Variants in MYO7A observed in about 807,000 individuals in gnomAD.
MYO7A encodes myosin VIIA.
Under a neutral mutation model 263.8 loss-of-function variants are expected in MYO7A, and 210 were observed. The observed-to-expected ratio is 0.80, with a 90% CI of 0.71 to 0.89. MYO7A has a LOEUF of 0.89. Ranked by LOEUF, MYO7A falls within the 40% of genes least tolerant of loss-of-function variation. The pLI is 0.00. For synonymous variants in MYO7A, 1,239 were observed against 1,197.3 expected, an observed-to-expected ratio of 1.03 and a Z score of -0.72; for missense variants, 2,820 against 2,968.3, an observed-to-expected ratio of 0.95 and a Z score of 1.16.
chr11:77,140,478 A>T (rs1555049961), intron 2 of MYO7A, among the ~76,000 whole-genome samples: 1 of 152,226 alleles, frequency 6.6e-6, no homozygotes, highest in African/African-American at 2.4e-5. Flanking sequence ...GAGGAGAGAA[A>T]TTGGAGACAG....
At chr11:77,163,063 A>C in intron 14 of MYO7A, 75 bp downstream of exon 14, 2 of 1,519,336 alleles carry the variant, frequency 1.3e-6, no homozygotes, top group Non-Finnish European at 1.8e-6. Context: ...CAGGAATAAG[A>C]TATCCGGAAT....
At chr11:77,177,895 A>G (rs1389217875) in intron 19 of MYO7A, among the ~76,000 whole-genome samples, 2 of 152,144 alleles carry the variant, frequency 1.3e-5, no homozygotes, top group Admixed American at 1.3e-4. Flanking sequence ...GCACATGCAC[A>G]CGTAGATACA....
At chr11:77,166,034 G>T in intron 14 of MYO7A, 22 bp from the exon 15 acceptor site, 1 of 1,588,338 alleles carries the variant, frequency 6.3e-7, no homozygotes, top group South Asian at 1.1e-5. Context: ...GGTGAGAGGT[G>T]ACTGCTGTTT....
rs1203892207 is a variant in MYO7A, at chr11:77,197,461, C to G, written c.4324-20C>G. ...CACTCGTATGTTGTCTTCTGTCCCT[C>G]TGTCCCTCTCTCCTTCCAGGGGATT... On this transcript the variant is annotated intron_variant, in intron 32 of 48. Transcript: ENST00000409709. 1 of 1,536,370 alleles carries G rather than the reference C, an allele frequency of 6.5e-7. No homozygotes were observed. The highest frequency in any genetic ancestry group is 1.2e-5 in the South Asian group (1 of 84,168).
chr11:77,160,288 C>G lies in MYO7A; in HGVS notation c.1200+6C>G, dbSNP rs1405315472. The G allele has an allele frequency of 1.3e-6, 2 of 1,555,470 alleles. No homozygotes were observed. Among genetic ancestry groups the G allele is most frequent in the African/African-American group, 2.7e-5 (2 of 73,388 alleles). On this transcript the variant is annotated splice_donor_region_variant and intron_variant, in intron 11 of 48. Coordinates refer to ENST00000409709, the MANE Select transcript of MYO7A (RefSeq NM_000260.4). ...TGCGCGACGCCTTCGTAAAGGTGGG[C>G]TGGAGGGAAGGGGCCGCTTGCTCGC...
chr11:77,207,298 G>A lies in MYO7A; in HGVS notation c.5752G>A (p.Val1918Met), dbSNP rs958153438. The change falls in exon 42 of 49, where the codon GTG becomes ATG. Residue 1918 changes from valine (V) to methionine (M), a missense_variant. By Grantham distance (21) the Val-to-Met change is conservative. Coordinates refer to ENST00000409709, the MANE Select transcript of MYO7A (RefSeq NM_000260.4). ...TCACTGCCCCTCCCAGGCCTTCGAA[G>A]TGGAGTCCAGCACCAAGGCCAAGGA... Reference protein sequence around the residue: ...FPDDTDEAFEVESSTKAKDFC... With the variant: ...FPDDTDEAFEMESSTKAKDFC... 1.9e-5 allele frequency: 31 copies of A among 1,610,498 alleles called. No individual in the cohort carries two copies. The highest frequency in any genetic ancestry group is 2.7e-5 in the African/African-American group (2 of 74,854).
At chr11:77,180,761 C>T (rs1336925048) in intron 22 of MYO7A, among the ~76,000 whole-genome samples, 1 of 152,194 alleles carries the variant, frequency 6.6e-6, no homozygotes, top group Non-Finnish European at 1.5e-5. Context: ...AAGCACAAGC[C>T]AGCTGACGGC....
intron 13 of MYO7A, 87 bp downstream of exon 13, chr11:77,162,417 A>G: frequency 2.4e-6 from 3 of 1,271,538 alleles, no homozygotes; most frequent in South Asian, 2.6e-5. Flanking sequence ...CTCATCTGCA[A>G]AATAGGACTA....
chr11:77,177,297 C>A (rs567847677), intron 18 of MYO7A, among the ~76,000 whole-genome samples: 1 of 152,288 alleles, frequency 6.6e-6, no homozygotes, highest in East Asian at 1.9e-4. Context: ...GGCCTTCCGA[C>A]CCCATCCAGA....
intron 32 of MYO7A, among the ~76,000 whole-genome samples, chr11:77,196,231 G>A (rs550407879): frequency 2.3e-4 from 35 of 152,208 alleles, no homozygotes; most frequent in African/African-American, 8.2e-4. Flanking sequence ...ACCAGGCGTG[G>A]TGGTGGGTGC....
At chr11:77,152,360 A>G (rs1591247680) in intron 4 of MYO7A, among the ~76,000 whole-genome samples, 1 of 151,950 alleles carries the variant, frequency 6.6e-6, no homozygotes, top group Non-Finnish European at 1.5e-5. Context: ...TCCCCTCGCT[A>G]CCTTCCCTGC....
At chr11:77,160,053 G>A (rs994797022) in intron 10 of MYO7A, 110 bp from the exon 11 acceptor site, 13 of 1,451,988 alleles carry the variant, frequency 9.0e-6, no homozygotes, top group Middle Eastern at 2.4e-4. Flanking sequence ...GGCGTGCTTA[G>A]TGGAGGCAGT....
At chr11:77,186,162 C>T (rs1213751179) in intron 27 of MYO7A, among the ~76,000 whole-genome samples, 3 of 152,122 alleles carry the variant, frequency 2.0e-5, no homozygotes, top group African/African-American at 4.8e-5. Context: ...CCCTGTGATC[C>T]ACCCACCTCA....
chr11:77,179,269 C>A, intron 20 of MYO7A, 140 bp downstream of exon 20: 2 of 695,698 alleles, frequency 2.9e-6, no homozygotes, highest in South Asian at 1.9e-5. Flanking sequence ...CAGCCACTAC[C>A]ATTCCTCCAG....
rs1952937916 is a variant in MYO7A, at chr11:77,160,964, GC to G, written c.1201-7del. ...TGGCTGGTGCCAGTGGCTGATCACT[GC>G]CTTTCAGGGGATCTACGGGCGGCTG... On this transcript the variant is annotated splice_region_variant and splice_polypyrimidine_tract_variant and intron_variant, in intron 11 of 48. Coordinates refer to ENST00000409709, the MANE Select transcript of MYO7A (RefSeq NM_000260.4). 6.3e-7 allele frequency: 1 copy of G among 1,591,846 alleles called. No homozygotes were observed. The highest frequency in any genetic ancestry group is 1.3e-5 in the African/African-American group (1 of 74,390).
intron 11 of MYO7A, among the ~76,000 whole-genome samples, chr11:77,160,535 C>G (rs1952897423): frequency 6.6e-6 from 1 of 152,196 alleles, no homozygotes; most frequent in Non-Finnish European, 1.5e-5. Context: ...CCCAGGGATA[C>G]TCTCTTTGGT....
In MYO7A at chr11:77,179,592, G is replaced by A. The variant is rs184352510; in HGVS notation, c.2368-143G>A. The A allele has an allele frequency of 1.4e-3, 933 of 671,740 alleles. 8 individuals are homozygous for A. The highest frequency in any genetic ancestry group is 0.012 in the Admixed American group (387 of 33,276). The allele number at this position is 671,740 out of a possible 1,614,324, so 41.6% of individuals were successfully genotyped here. ...AAACAGAACTTTCTAACGATGGGGG[G>A]GCACTAATCTGAGAGGAGACTGGGC... is the stretch of plus-strand genomic sequence containing the variant. On this transcript the variant is annotated intron_variant, in intron 20 of 48. Coordinates refer to ENST00000409709, the MANE Select transcript of MYO7A (RefSeq NM_000260.4).
chr11:77,137,244 T>C (rs1950938222), intron 2 of MYO7A, among the ~76,000 whole-genome samples: 1 of 152,114 alleles, frequency 6.6e-6, no homozygotes, highest in Admixed American at 6.5e-5. Context: ...GAGCCCTGGG[T>C]TCCCAAGGCT....
chr11:77,199,896 C>T, intron 35 of MYO7A, 78 bp downstream of exon 35: 1 of 1,342,854 alleles, frequency 7.4e-7, no homozygotes, highest in African/African-American at 1.5e-5. Flanking sequence ...ATTTGTGTTG[C>T]TATAATGGAA....
Sources: allele counts gnomAD v4.1 joint callset (sites outside exome capture counted in the v4.1 genomes callset), GRCh38; gene constraint gnomAD v4.1.1; transcripts MANE v1.5; gene names NCBI Gene and HGNC (gene_info 2026-07-23, HGNC 2026-07-21).